SDCCAG8: variants seen among roughly 807,000 people sequenced by gnomAD.
SDCCAG8 encodes the protein SHH signaling and ciliogenesis regulator SDCCAG8.
Under a neutral mutation model 101.8 loss-of-function variants are expected in SDCCAG8, and 74 were observed. The ratio of observed to expected loss-of-function variants is 0.73; its 90% CI spans 0.60 to 0.88. The LOEUF (loss-of-function observed/expected upper bound fraction) is 0.88. Ranked by LOEUF, SDCCAG8 falls within the 40% of genes least tolerant of loss-of-function variation. The probability of loss-of-function intolerance (pLI) is 0.00; values close to 1 mark genes in which losing one functional copy is unlikely to be tolerated. For synonymous variants in SDCCAG8, 281 were observed against 292.9 expected, an observed-to-expected ratio of 0.96 and a Z score of 0.41; for missense variants, 787 against 822.6, an observed-to-expected ratio of 0.96 and a Z score of 0.53.
rs527870268 is a variant in SDCCAG8 at position 243,316,875 on chromosome 1, C to G, written c.1050C>G (p.Ala350=). 2 of 1,612,130 alleles carry G rather than the reference C, an allele frequency of 1.2e-6. No individual in the cohort carries two copies. The highest frequency in any genetic ancestry group is 1.7e-4 in the Middle Eastern group (1 of 6,054). Reference sequence around the variant, plus strand: ...AAGTTTTGCAAATATCTGAGGAAGCCAATTTTGAAAAAACCAAGGCAAGTC... The same window carrying G: ...AAGTTTTGCAAATATCTGAGGAAGCGAATTTTGAAAAAACCAAGGCAAGTC... ...VKQVLQISEE[A]NFEKTKALIQ... The change falls in exon 9 of 18, where the codon GCC becomes GCG. Residue 350 remains alanine (A), a synonymous_variant. Coordinates refer to ENST00000366541, the MANE Select transcript of SDCCAG8 (RefSeq NM_006642.5).
In SDCCAG8 at chr1:243,426,954, T is replaced by C. The variant is rs2081382483; in HGVS notation, c.1985+396T>C. 2.0e-5 allele frequency among the ~76,000 whole-genome samples: 3 copies of C among 152,230 alleles called. No homozygotes were observed. In the South Asian group the frequency reaches 6.2e-4, roughly 31 times the overall value. ...AGGTCTAAAGAGGTTAAACATCTTA[T>C]CAGAGGTTGCACTAATAGCATTGCT... On this transcript the variant is annotated intron_variant, in intron 16 of 17. Coordinates refer to ENST00000366541, the MANE Select transcript of SDCCAG8 (RefSeq NM_006642.5).
chr1:243,447,389 T>G (rs2083006084), intron 16 of SDCCAG8, among the ~76,000 whole-genome samples: 1 of 151,232 alleles, frequency 6.6e-6, no homozygotes, highest in Admixed American at 6.6e-5. Context: ...TGGGTGAATA[T>G]AATCCTTCCA....
At chr1:243,412,351 A>G (rs2080243111) in intron 13 of SDCCAG8, among the ~76,000 whole-genome samples, 1 of 152,182 alleles carries the variant, frequency 6.6e-6, no homozygotes, top group African/African-American at 2.4e-5. Flanking sequence ...AAAAGACATT[A>G]ATATTAATGA....
chr1:243,324,854 C>G (rs1037060370), intron 9 of SDCCAG8, among the ~76,000 whole-genome samples: 16 of 152,098 alleles, frequency 1.1e-4, no homozygotes, highest in African/African-American at 3.9e-4. Context: ...TCTACTCTTT[C>G]ATGTCACCTT....
chr1:243,400,039 G>C (rs1219599116), intron 13 of SDCCAG8, among the ~76,000 whole-genome samples: 1 of 152,158 alleles, frequency 6.6e-6, no homozygotes, highest in African/African-American at 2.4e-5. Flanking sequence ...AGGCAGCTAG[G>C]CTCCCGACTA....
chr1:243,409,447 G>A, intron 13 of SDCCAG8, among the ~76,000 whole-genome samples: 1 of 152,132 alleles, frequency 6.6e-6, no homozygotes, highest in Middle Eastern at 3.4e-3. Flanking sequence ...TCCAGACTTA[G>A]TCCACCAAGG....
Position 243,330,645 on chromosome 1 carries a change from A to G in SDCCAG8, c.1174A>G (p.Met392Val), listed in dbSNP as rs934880770. Residue 392 changes from methionine to valine, a missense_variant, in exon 10 of 18, where the codon ATG (methionine) becomes GTG (valine). By Grantham distance (21) the Met-to-Val change is conservative (BLOSUM62 1). Coordinates refer to ENST00000366541, the MANE Select transcript of SDCCAG8 (RefSeq NM_006642.5). ...QQEKRAIEKD[M>V]MKKEITKERE... ...AGAGAAAAGGGCCATTGAGAAAGAC[A>G]TGATGAAAAAGGAAATAACGAAAGA... The G allele has an allele frequency of 6.2e-7, 1 of 1,613,904 alleles. No homozygotes were observed. The highest frequency in any genetic ancestry group is 1.1e-5 in the South Asian group (1 of 91,070).
intron 13 of SDCCAG8, among the ~76,000 whole-genome samples, chr1:243,400,630 T>G (rs1245116203): frequency 2.0e-5 from 3 of 152,262 alleles, no homozygotes; most frequent in African/African-American, 7.2e-5. Context: ...CATATCTTAC[T>G]GTCCCAACTT....
chr1:243,332,070 G>C (rs2074641545), intron 10 of SDCCAG8, among the ~76,000 whole-genome samples: 1 of 152,184 alleles, frequency 6.6e-6, no homozygotes, highest in East Asian at 1.9e-4. Flanking sequence ...ATGGACAGGT[G>C]AAGAGGGGAA....
chr1:243,308,208 T>C (rs1218473446), intron 8 of SDCCAG8, 31 bp downstream of exon 8: 2 of 1,611,428 alleles, frequency 1.2e-6, no homozygotes, highest in Non-Finnish European at 1.7e-6. Flanking sequence ...ACGGAGACTT[T>C]GGCAATATGG....
intron 16 of SDCCAG8, among the ~76,000 whole-genome samples, chr1:243,433,784 A>T (rs887695815): frequency 1.1e-4 from 16 of 152,120 alleles, no homozygotes; most frequent in African/African-American, 3.9e-4. Context: ...TGACCAGAAG[A>T]CTCACCCCGA....
chr1:243,283,897 C>T (rs905259672), intron 4 of SDCCAG8, among the ~76,000 whole-genome samples: 3 of 152,112 alleles, frequency 2.0e-5, no homozygotes, highest in Non-Finnish European at 4.4e-5. Context: ...TGCACCACCA[C>T]CCCCGGCTAG....
At chr1:243,406,231 A>G (rs1204137293) in intron 13 of SDCCAG8, among the ~76,000 whole-genome samples, 1 of 152,216 alleles carries the variant, frequency 6.6e-6, no homozygotes, top group African/African-American at 2.4e-5. Flanking sequence ...ATTTTAGGTA[A>G]TAGCATATTT....
At chr1:243,466,935 C>T (rs1219449531) in intron 16 of SDCCAG8, among the ~76,000 whole-genome samples, 2 of 152,268 alleles carry the variant, frequency 1.3e-5, no homozygotes, top group African/African-American at 2.4e-5. Context: ...CCAGGTCTCA[C>T]TCTGGGTGGA....
intron 16 of SDCCAG8, among the ~76,000 whole-genome samples, chr1:243,480,392 A>G (rs1379296263): frequency 3.6e-4 from 5 of 13,838 alleles, no homozygotes; most frequent in Admixed American, 1.1e-3. Context: ...GGATGGATGG[A>G]TAGGTGGGAT....
intron 13 of SDCCAG8, among the ~76,000 whole-genome samples, chr1:243,388,818 G>A (rs1250910182): frequency 6.6e-6 from 1 of 150,604 alleles, no homozygotes; most frequent in East Asian, 1.9e-4. Flanking sequence ...GGGAGGCTAC[G>A]TGGTGGTGCG....
At chr1:243,296,535 C>CTTT (rs756242066) in intron 6 of SDCCAG8, among the ~76,000 whole-genome samples, 11,879 of 56,968 alleles carry the variant, frequency 0.21, 3,438 homozygotes, top group South Asian at 0.35. Context: ...CCCAACTGCT[C>CTTT]TTTTTTTTTT....
At chr1:243,322,364 C>A (rs748005586) in intron 9 of SDCCAG8, among the ~76,000 whole-genome samples, 7 of 152,104 alleles carry the variant, frequency 4.6e-5, no homozygotes, top group Non-Finnish European at 1.0e-4. Context: ...GGAGGTTAAA[C>A]CTCTCATGTA....
At chr1:243,290,236 A>G (rs1159516530) in intron 5 of SDCCAG8, among the ~76,000 whole-genome samples, 5 of 151,772 alleles carry the variant, frequency 3.3e-5, no homozygotes, top group Non-Finnish European at 7.4e-5. Flanking sequence ...CAATTAAGAA[A>G]TCAAAGGTTT....
Sources: allele counts gnomAD v4.1 joint callset (sites outside exome capture counted in the v4.1 genomes callset), GRCh38; gene constraint gnomAD v4.1.1; transcripts MANE v1.5; gene names NCBI Gene and HGNC (gene_info 2026-07-23, HGNC 2026-07-21).